Variants in CMTM4 observed in about 807,000 individuals in gnomAD.
CMTM4 encodes the protein CKLF like MARVEL transmembrane domain containing 4, also known as CKLF-like MARVEL transmembrane domain-containing protein 4.
In CMTM4, 8 loss-of-function variants were observed where a neutral mutation model predicts 19.0. The ratio of observed to expected loss-of-function variants is 0.42; its 90% confidence interval spans 0.25 to 0.76. The LOEUF (loss-of-function observed/expected upper bound fraction) is 0.76. Ranked by LOEUF, CMTM4 falls within the 30% of genes least tolerant of loss-of-function variation. CMTM4 has a pLI of 0.27. For missense variants in CMTM4, 228 were observed against 290.2 expected, an observed-to-expected ratio of 0.79 and a Z score of 1.56; for synonymous variants, 106 against 121.1, an observed-to-expected ratio of 0.88 and a Z score of 0.82.
At chr16:66,668,811 T>C (rs1406754640) in intron 1 of CMTM4, among the ~76,000 whole-genome samples, 1 of 151,502 alleles carries the variant, frequency 6.6e-6, no homozygotes, top group Non-Finnish European at 1.5e-5. Context: ...AAAAAGAATA[T>C]TACAACAGCT....
intron 1 of CMTM4, among the ~76,000 whole-genome samples, chr16:66,687,455 C>T (rs914170975): frequency 2.0e-5 from 3 of 151,938 alleles, no homozygotes; most frequent in Non-Finnish European, 4.4e-5. Context: ...CGCTTGAGCC[C>T]AGGAGTTTGT....
downstream of CMTM4, chr16:66,612,746 G>A (rs1431114505): frequency 9.1e-7 from 1 of 1,096,454 alleles, no homozygotes; most frequent in South Asian, 1.4e-5. The surrounding 1 kb of genome is among the most constrained non-coding windows in gnomAD (Gnocchi z 6.0). Context: ...TTGCAGAGGG[G>A]GCTGCGGACA....
At chr16:66,599,887 G>A in the CMTM4 span, among the ~76,000 whole-genome samples, 1 of 152,192 alleles carries the variant, frequency 6.6e-6, no homozygotes, top group Non-Finnish European at 1.5e-5. Context: ...CTCACCAGCA[G>A]CTGGTAGTGC....
chr16:66,633,713 G>A (rs2015928420), intron 2 of CMTM4, among the ~76,000 whole-genome samples: 1 of 151,834 alleles, frequency 6.6e-6, no homozygotes, highest in Non-Finnish European at 1.5e-5. Flanking sequence ...AGCTACTCAG[G>A]AGGCTGAGAC....
intron 1 of CMTM4, among the ~76,000 whole-genome samples, chr16:66,674,432 G>C (rs1021296220): frequency 6.6e-6 from 1 of 152,128 alleles, no homozygotes; most frequent in African/African-American, 2.4e-5. Flanking sequence ...AGGCCCCTCG[G>C]TGCACACACC....
chr16:66,619,651 C>T lies in CMTM4; in HGVS notation c.*2407G>A. On this transcript the variant is annotated 3_prime_UTR_variant, in exon 4 of 4. Coordinates refer to ENST00000394106, the MANE Select transcript of CMTM4 (RefSeq NM_181521.3). ...TCACCTTGGATAACCCTATTCCCTC[C>T]AGAACTTTCGTCACCACGTGGTCTA... 2 of 985,342 alleles carry T rather than the reference C, an allele frequency of 2.0e-6. No homozygotes were observed. Among genetic ancestry groups the T allele is most frequent in the Non-Finnish European group, 2.4e-6 (2 of 829,924 alleles). 61.0% of individuals were successfully genotyped at this position (985,342 alleles called of 1,614,324 possible). A position where few individuals can be genotyped will look rare whatever the true frequency, so the allele number is the denominator to read the frequency against.
intron 1 of CMTM4, among the ~76,000 whole-genome samples, chr16:66,647,155 A>AC (rs1407858919): frequency 1.3e-5 from 2 of 151,266 alleles, no homozygotes; most frequent in South Asian, 4.2e-4. Flanking sequence ...CTCTACTAAA[A>AC]AAAAAAAAAA....
At chr16:66,628,182 A>G (rs1472015389) in intron 2 of CMTM4, among the ~76,000 whole-genome samples, 3 of 152,234 alleles carry the variant, frequency 2.0e-5, no homozygotes, top group Admixed American at 2.0e-4. Context: ...AATTGAACAA[A>G]TGTACAATCA....
chr16:66,666,191 G>A (rs890345085), intron 1 of CMTM4, among the ~76,000 whole-genome samples: 1 of 151,990 alleles, frequency 6.6e-6, no homozygotes, highest in East Asian at 1.9e-4. Flanking sequence ...GGTGGCTCAC[G>A]CCTGTAATCC....
At chr16:66,645,489 A>G (rs565543188) in intron 1 of CMTM4, among the ~76,000 whole-genome samples, 11 of 151,894 alleles carry the variant, frequency 7.2e-5, no homozygotes, top group African/African-American at 2.7e-4. Flanking sequence ...GAGGCAGAGA[A>G]CTGCTTGAAC....
At chr16:66,669,654 G>A (rs1191891440) in intron 1 of CMTM4, among the ~76,000 whole-genome samples, 9 of 152,006 alleles carry the variant, frequency 5.9e-5, no homozygotes, top group Admixed American at 5.9e-4. Context: ...CCATTCTCCT[G>A]CCTCAGCCTC....
chr16:66,638,591 G>T (rs2016041014), intron 1 of CMTM4, among the ~76,000 whole-genome samples: 1 of 152,208 alleles, frequency 6.6e-6, no homozygotes, highest in Non-Finnish European at 1.5e-5. Flanking sequence ...GGGTGTGGTG[G>T]CTCATGCCTG....
intron 1 of CMTM4, among the ~76,000 whole-genome samples, chr16:66,693,018 G>A (rs1173390301): frequency 1.3e-5 from 2 of 152,050 alleles, no homozygotes; most frequent in East Asian, 3.9e-4. Context: ...AACGTCAGAA[G>A]TTTGAGACCA....
intron 1 of CMTM4, among the ~76,000 whole-genome samples, chr16:66,656,386 C>T (rs2016397957): frequency 1.3e-5 from 2 of 152,042 alleles, no homozygotes; most frequent in South Asian, 2.1e-4. Context: ...TCTTTTGAGA[C>T]AGAGTCTCAC....
Position 66,622,158 on chromosome 16 carries a change from C to T in CMTM4, c.527G>A (p.Arg176Lys), listed in dbSNP as rs2015650420. 2 of 1,613,728 alleles carry T rather than the reference C, an allele frequency of 1.2e-6. No homozygotes were observed. The highest frequency in any genetic ancestry group is 8.5e-7 in the Non-Finnish European group (1 of 1,179,946). The change falls in exon 4 of 4, where the codon AGA becomes AAA. Residue 176 changes from arginine (R) to lysine (K), a missense_variant. Transcript: ENST00000394106. The surrounding 1 kb of genome is among the most constrained non-coding windows in gnomAD (Gnocchi z 4.0). ...VNTFLAVQKW[R>K]VSVRQQSTND... is the part of the protein sequence containing the mutation. Reference sequence around the variant, plus strand: ...GGTGCTCTGCTGGCGGACGCTGACTCTCCATTTCTGCACTGCCAGGAATGT... The same window carrying T: ...GGTGCTCTGCTGGCGGACGCTGACTTTCCATTTCTGCACTGCCAGGAATGT...
intron 1 of CMTM4, among the ~76,000 whole-genome samples, chr16:66,639,701 G>A (rs1355211142): frequency 2.0e-5 from 3 of 152,052 alleles, no homozygotes. Flanking sequence ...TGGCCAACAT[G>A]GCGAAATCCT....
chr16:66,654,039 C>A (rs1011786754), intron 1 of CMTM4, among the ~76,000 whole-genome samples: 1 of 152,220 alleles, frequency 6.6e-6, no homozygotes, highest in East Asian at 1.9e-4. Context: ...CTGCACCCAG[C>A]CAGTTTTTAA....
chr16:66,610,435 G>A (rs1164282427), downstream of CMTM4, among the ~76,000 whole-genome samples: 1 of 152,178 alleles, frequency 6.6e-6, no homozygotes, highest in African/African-American at 2.4e-5. The surrounding 1 kb of genome is among the most constrained non-coding windows in gnomAD (Gnocchi z 4.6). Context: ...AGGGACAGAT[G>A]ATGTGTCCCG....
Position 66,621,210 on chromosome 16 carries a change from C to T in CMTM4, c.*848G>A, listed in dbSNP as rs1309696477. ...GTTTTTTAACACAAACACCTCCCAC[C>T]TGCGGTTCATGAAGCCAGCAAATGG... On this transcript the variant is annotated 3_prime_UTR_variant, in exon 4 of 4. Transcript: ENST00000394106. 8.1e-6 allele frequency: 8 copies of T among 985,528 alleles called. No individual in the cohort carries two copies. In the South Asian group the frequency reaches 2.8e-4, roughly 35 times the overall value. 61.0% of individuals were successfully genotyped at this position (985,528 alleles called of 1,614,324 possible).
Sources: gnomAD v4.1 joint callset for allele counts (sites outside exome capture counted in the v4.1 genomes callset) on GRCh38, gnomAD v4.1.1 for gene constraint, Gnocchi (gnomAD v3.1) non-coding constraint, MANE v1.5 for transcripts, NCBI Gene and HGNC (gene_info 2026-07-23, HGNC 2026-07-21) for gene names.